CTNND2: variants seen among roughly 807,000 people sequenced by gnomAD.
CTNND2 encodes catenin delta-2.
A neutral mutation model predicts 144.4 loss-of-function variants in CTNND2; 22 were observed. The observed-to-expected ratio is 0.15, with a 90% CI of 0.11 to 0.22. CTNND2 has a LOEUF of 0.22. Among genes scored for constraint, CTNND2 ranks in the 10% least tolerant of loss-of-function variants. CTNND2 has a pLI of 1.00. For missense variants in CTNND2, 1,353 were observed against 1,618.8 expected, an observed-to-expected ratio of 0.84 and a Z score of 2.82; for synonymous variants, 751 against 695.6, an observed-to-expected ratio of 1.08 and a Z score of -1.25.
At chr5:11,317,598 T>C (rs1276008336) in intron 9 of CTNND2, among the ~76,000 whole-genome samples, 1 of 152,230 alleles carries the variant, frequency 6.6e-6, no homozygotes, top group Non-Finnish European at 1.5e-5. Context: ...ATGATTTTTA[T>C]ATTTTGATTG....
intron 2 of CTNND2, among the ~76,000 whole-genome samples, chr5:11,616,965 G>T (rs1561624404): frequency 6.6e-6 from 1 of 152,086 alleles, no homozygotes; most frequent in East Asian, 1.9e-4. Flanking sequence ...TCAAAATGCA[G>T]CCTTTCTCCT....
intron 2 of CTNND2, among the ~76,000 whole-genome samples, chr5:11,724,476 A>C (rs988902388): frequency 1.3e-5 from 2 of 152,198 alleles, no homozygotes; most frequent in Non-Finnish European, 2.9e-5. Context: ...ATTATTTAAC[A>C]AAATAATTTA....
At chr5:11,023,019 A>AG in intron 16 of CTNND2, 40 bp from the exon 17 acceptor site, 1 of 1,583,392 alleles carries the variant, frequency 6.3e-7, no homozygotes, top group Non-Finnish European at 8.7e-7. Flanking sequence ...AAGGAGGTCA[A>AG]GGTGAAGGCA....
At position 11,398,989 on chromosome 5, in the gene CTNND2, T is replaced by C. The variant is rs568569143; in HGVS notation, c.440-1786A>G. Among the ~76,000 whole-genome samples the C allele has an allele frequency of 4.6e-5, 7 of 152,238 alleles. No homozygotes were observed. In the South Asian group the frequency reaches 1.0e-3, roughly 23 times the overall value. On this transcript the variant is annotated intron_variant, in intron 5 of 21. Transcript: ENST00000304623. ...AGGTGGGGCAAGTGGAGACTAACCATAAAGCGGAGGAGAAGGAGGTGGGCA... is the reference window on the plus strand; with the variant it reads ...AGGTGGGGCAAGTGGAGACTAACCACAAAGCGGAGGAGAAGGAGGTGGGCA...
In CTNND2 at chr5:11,042,184, G is replaced by C. The variant is rs372106520; in HGVS notation, c.2789-19205C>G. The stretch of plus-strand genomic sequence containing the variant: ...TTTGATTAAGTTTTCATGTCACCAA[G>C]TGCACACAGATCTTTACACCACAGA... On this transcript the variant is annotated intron_variant, in intron 16 of 21. Coordinates refer to ENST00000304623, the MANE Select transcript of CTNND2 (RefSeq NM_001332.4). Among the ~76,000 whole-genome samples the C allele has an allele frequency of 3.9e-5, 6 of 152,236 alleles. No homozygotes were observed. The South Asian group carries it at 1.0e-3, about 26-fold the overall frequency.
Position 11,047,944 on chromosome 5 carries a change from A to T in CTNND2, c.2789-24965T>A, listed in dbSNP as rs1317557699. Among the ~76,000 whole-genome samples the T allele has an allele frequency of 2.6e-5, 4 of 152,138 alleles. No homozygotes were observed. In the East Asian group the frequency reaches 7.7e-4, roughly 29 times the overall value. On this transcript the variant is annotated intron_variant, in intron 16 of 21. Coordinates refer to ENST00000304623, the MANE Select transcript of CTNND2 (RefSeq NM_001332.4). ...GCATTGTTTGCTCCTTTGTCTGGTTAACTTCAACTTCTCCGGGCTCAATTC... is the reference window on the plus strand; with the variant it reads ...GCATTGTTTGCTCCTTTGTCTGGTTTACTTCAACTTCTCCGGGCTCAATTC...
At chr5:11,196,000 A>G (rs1336463388) in intron 11 of CTNND2, among the ~76,000 whole-genome samples, 1 of 152,196 alleles carries the variant, frequency 6.6e-6, no homozygotes, top group African/African-American at 2.4e-5. Context: ...CTGTGAAGAG[A>G]TATTGCCGTG....
At chr5:11,776,062 G>A (rs189284100) in intron 1 of CTNND2, among the ~76,000 whole-genome samples, 1 of 152,152 alleles carries the variant, frequency 6.6e-6, no homozygotes, top group Admixed American at 6.5e-5. Context: ...AGGGAGCATG[G>A]GTGGCCCTTC....
At chr5:11,028,816 C>A (rs1418917997) in intron 16 of CTNND2, among the ~76,000 whole-genome samples, 1 of 152,150 alleles carries the variant, frequency 6.6e-6, no homozygotes, top group African/African-American at 2.4e-5. Context: ...TCAAGCAATT[C>A]TCATTCCTCA....
At position 10,988,482 on chromosome 5, in the gene CTNND2, C is replaced by T. The variant is rs548270956; in HGVS notation, c.3212-240G>A. 5.9e-5 allele frequency among the ~76,000 whole-genome samples: 9 copies of T among 152,266 alleles called. No individual in the cohort carries two copies. In the East Asian group the frequency reaches 1.7e-3, roughly 29 times the overall value. On this transcript the variant is annotated intron_variant, in intron 19 of 21. Transcript: ENST00000304623. This position sits in a 1 kb window ranked among gnomAD's most constrained non-coding sequence, Gnocchi z 5.9. ...GGGCATGTGATTTGGAGGCTGGCAACTGGGGACCACATCCTGGGGCCATCT... is the reference window on the plus strand; with the variant it reads ...GGGCATGTGATTTGGAGGCTGGCAATTGGGGACCACATCCTGGGGCCATCT...
intron 1 of CTNND2, among the ~76,000 whole-genome samples, chr5:11,841,592 G>A (rs1794475727): frequency 2.6e-5 from 4 of 152,152 alleles, no homozygotes; most frequent in African/African-American, 9.7e-5. Flanking sequence ...CACAATAACA[G>A]CTAGTGGTGA....
intron 2 of CTNND2, among the ~76,000 whole-genome samples, chr5:11,626,214 C>T (rs1781144946): frequency 6.6e-6 from 1 of 152,160 alleles, no homozygotes. Context: ...TTTTGTTGCA[C>T]ATTGATGCCA....
At chr5:10,989,904 C>G (rs1738475932) in intron 19 of CTNND2, among the ~76,000 whole-genome samples, 1 of 152,182 alleles carries the variant, frequency 6.6e-6, no homozygotes, top group South Asian at 2.1e-4. Flanking sequence ...AAAATCACGC[C>G]TCAATGCTCA....
At chr5:11,459,051 C>A (rs748875410) in intron 3 of CTNND2, among the ~76,000 whole-genome samples, 1 of 151,844 alleles carries the variant, frequency 6.6e-6, no homozygotes, top group Non-Finnish European at 1.5e-5. Context: ...ATTATAGGCA[C>A]GAGCCACCAT....
Position 11,141,272 on chromosome 5 carries a change from A to G in CTNND2, c.2159+18304T>C, listed in dbSNP as rs369245752. On this transcript the variant is annotated intron_variant, in intron 12 of 21. Transcript: ENST00000304623. ...CCCAGCTGTTTGATTACTTTTTAAA[A>G]CAAATGCATATAAGACCGTCATTTT... Among the ~76,000 whole-genome samples, 17 of 152,290 alleles carry G rather than the reference A, an allele frequency of 1.1e-4. No individual in the cohort carries two copies. In the East Asian group the frequency reaches 3.3e-3, roughly 29 times the overall value.
chr5:11,452,402 G>A (rs755955032), intron 3 of CTNND2, among the ~76,000 whole-genome samples: 1 of 152,054 alleles, frequency 6.6e-6, no homozygotes, highest in Non-Finnish European at 1.5e-5. Flanking sequence ...TCTCTTAAAA[G>A]TATCGAAAAA....
At chr5:11,301,059 TG>T (rs1367380512) in intron 9 of CTNND2, among the ~76,000 whole-genome samples, 1 of 152,098 alleles carries the variant, frequency 6.6e-6, no homozygotes, top group Non-Finnish European at 1.5e-5. Context: ...TGGGCTGGGC[TG>T]GGCTGGAGTG....
At chr5:11,485,809 G>A (rs963110323) in intron 3 of CTNND2, among the ~76,000 whole-genome samples, 4 of 152,020 alleles carry the variant, frequency 2.6e-5, no homozygotes, top group East Asian at 3.9e-4. Flanking sequence ...TAGGCAAAAC[G>A]TATAAGGCCA....
chr5:10,988,062 G>T lies in CTNND2; in HGVS notation c.3343+49C>A. 1.2e-6 allele frequency: 2 copies of T among 1,611,044 alleles called. No individual in the cohort carries two copies. The highest frequency in any genetic ancestry group is 1.7e-6 in the Non-Finnish European group (2 of 1,178,352). On this transcript the variant is annotated intron_variant, in intron 20 of 21. Coordinates refer to ENST00000304623, the MANE Select transcript of CTNND2 (RefSeq NM_001332.4). This position sits in a 1 kb window ranked among gnomAD's most constrained non-coding sequence, Gnocchi z 5.9. ...TGATGTCCCATATCTCTGCCTTGTC[G>T]CGGGTCAAGCCACCAAGTTCCAGGA...
Sources: allele counts gnomAD v4.1 joint callset (sites outside exome capture counted in the v4.1 genomes callset), GRCh38; gene constraint gnomAD v4.1.1; non-coding constraint Gnocchi (gnomAD v3.1); transcripts MANE v1.5; gene names NCBI Gene and HGNC (gene_info 2026-07-23, HGNC 2026-07-21).